ASIC2: variants seen among roughly 807,000 people sequenced by gnomAD.
The protein encoded by ASIC2 is acid-sensing ion channel 2.
ASIC2 carries 25 observed loss-of-function variants against 57.3 expected under a neutral mutation model. That is an observed-to-expected ratio of 0.44 (90% CI 0.32 to 0.61). ASIC2 has a LOEUF of 0.61. ASIC2 is among the 20% of genes least tolerant of loss of function. The pLI, the probability that ASIC2 is intolerant of heterozygous loss-of-function variation, is 0.06. For missense variants in ASIC2, 641 were observed against 738.1 expected (o/e 0.87, Z 1.52); for synonymous variants, 319 against 307.5 (o/e 1.04, Z -0.39).
Position 33,047,127 on chromosome 17 carries a change from G to T in ASIC2, c.988-18735C>A, listed in dbSNP as rs1034316991. Among the ~76,000 whole-genome samples the T allele has an allele frequency of 5.9e-5, 9 of 152,236 alleles. No individual in the cohort carries two copies. The South Asian group carries it at 1.2e-3, about 21-fold the overall frequency. On this transcript the variant is annotated intron_variant, in intron 3 of 9. Coordinates refer to ENST00000225823, the MANE Select transcript of ASIC2 (RefSeq NM_183377.2). Reference sequence around the variant, plus strand: ...CCTCTTCCTGGATCTTTTCAGTGGGGGAATAGTGGATGCTTACAGGCATAA... The same window carrying T: ...CCTCTTCCTGGATCTTTTCAGTGGGTGAATAGTGGATGCTTACAGGCATAA...
chr17:33,268,312 T>TATCC (rs1909550227), intron 1 of ASIC2, among the ~76,000 whole-genome samples: 2 of 151,900 alleles, frequency 1.3e-5, no homozygotes, highest in South Asian at 4.2e-4. Context: ...ACCCATCATT[T>TATCC]ATCCACCCAT....
intron 1 of ASIC2, among the ~76,000 whole-genome samples, chr17:33,162,431 A>G (rs1905189074): frequency 6.6e-6 from 1 of 152,150 alleles, no homozygotes; most frequent in Non-Finnish European, 1.5e-5. Flanking sequence ...AGACAGGGCA[A>G]AATTCCTAAA....
chr17:33,984,488 A>G (rs1905744471), intron 1 of ASIC2: 1 of 152,234 alleles, frequency 6.6e-6, no homozygotes, highest in Non-Finnish European at 1.5e-5. Flanking sequence ...AGTTTCTATT[A>G]TTAGAGCCTC....
rs547815951 is a variant in ASIC2 at position 33,506,856 on chromosome 17, C to G, written c.556-394789G>C. ...CGGCAGATGCTCAATAAATAGCATGCACTTGGTTATCGTGGTTGGTCCACT... is the reference window on the plus strand; with the variant it reads ...CGGCAGATGCTCAATAAATAGCATGGACTTGGTTATCGTGGTTGGTCCACT... On this transcript the variant is annotated intron_variant, in intron 1 of 9. Transcript: ENST00000359872. Among the ~76,000 whole-genome samples, 3 of 152,184 alleles carry G rather than the reference C, an allele frequency of 2.0e-5. No individual in the cohort carries two copies. The East Asian group carries it at 5.8e-4, about 29-fold the overall frequency.
At chr17:33,015,022 G>T (rs116406985) in intron 9 of ASIC2, among the ~76,000 whole-genome samples, 1 of 152,172 alleles carries the variant, frequency 6.6e-6, no homozygotes, top group Non-Finnish European at 1.5e-5. Flanking sequence ...ATGCCAGACC[G>T]TGGGCCCCTT....
At chr17:33,898,220 C>CTATTTTTTTTTT (rs1915146635) in intron 1 of ASIC2, among the ~76,000 whole-genome samples, 1 of 66,196 alleles carries the variant, frequency 1.5e-5, no homozygotes, top group African/African-American at 6.0e-5. Context: ...CATGTATAAT[C>CTATTTTTTTTTT]TTTTTTTTTT....
intron 1 of ASIC2, among the ~76,000 whole-genome samples, chr17:33,889,882 G>A (rs1248464853): frequency 1.3e-5 from 2 of 152,196 alleles, no homozygotes; most frequent in African/African-American, 4.8e-5. Context: ...CACCTCATGA[G>A]GACTGGGCTA....
chr17:33,164,984 C>T (rs576960540), intron 1 of ASIC2, among the ~76,000 whole-genome samples: 7 of 152,168 alleles, frequency 4.6e-5, no homozygotes, highest in Non-Finnish European at 8.8e-5. Context: ...CTCTGCTTAG[C>T]GTGTACATCT....
intron 1 of ASIC2, among the ~76,000 whole-genome samples, chr17:33,425,070 A>G (rs1346174619): frequency 6.6e-6 from 1 of 152,274 alleles, no homozygotes; most frequent in African/African-American, 2.4e-5. Context: ...CTCCTAGGAG[A>G]AAATTATTAT....
intron 1 of ASIC2, among the ~76,000 whole-genome samples, chr17:33,617,519 G>GA (rs1198754534): frequency 2.3e-5 from 3 of 128,582 alleles, no homozygotes; most frequent in African/African-American, 8.3e-5. Context: ...GAGGGAGGAG[G>GA]GGAGAATAAA....
At chr17:33,513,741 C>A (rs1914489811) in intron 1 of ASIC2, among the ~76,000 whole-genome samples, 1 of 152,228 alleles carries the variant, frequency 6.6e-6, no homozygotes, top group African/African-American at 2.4e-5. Flanking sequence ...ACCAAGGGGA[C>A]TGCTTCCTGC....
At chr17:34,097,290 C>T (rs1392165756) in intron 1 of ASIC2, among the ~76,000 whole-genome samples, 1 of 151,856 alleles carries the variant, frequency 6.6e-6, no homozygotes, top group Non-Finnish European at 1.5e-5. Flanking sequence ...TAGCAATATA[C>T]ATCAGAGAGG....
rs113917759 is a variant in ASIC2 at position 33,846,964 on chromosome 17, T to C, written c.555+309014A>G. The stretch of plus-strand genomic sequence containing the variant: ...AAACCCACTGTGTCATCTCCTCTTA[T>C]CCTGTACAATTCCGTCTCAGCTCCT... On this transcript the variant is annotated intron_variant, in intron 1 of 9. Coordinates refer to the ASIC2 transcript ENST00000359872. 4.2e-3 allele frequency among the ~76,000 whole-genome samples: 636 copies of C among 151,646 alleles called. 4 individuals are homozygous for C. The highest frequency in any genetic ancestry group is 0.024 in the Middle Eastern group (7 of 292).
intron 1 of ASIC2, among the ~76,000 whole-genome samples, chr17:33,259,225 TA>T (rs1409234445): frequency 6.6e-6 from 1 of 152,176 alleles, no homozygotes; most frequent in African/African-American, 2.4e-5. Context: ...AGCACATTTC[TA>T]AATGCAACAT....
At chr17:34,138,961 C>T (rs954152889) in intron 1 of ASIC2, among the ~76,000 whole-genome samples, 8 of 152,128 alleles carry the variant, frequency 5.3e-5, no homozygotes, top group African/African-American at 1.7e-4. Context: ...TAGTTTTTCC[C>T]CAGTTGATGA....
At chr17:33,330,224 A>C (rs1907255984) in intron 1 of ASIC2, among the ~76,000 whole-genome samples, 1 of 152,146 alleles carries the variant, frequency 6.6e-6, no homozygotes, top group South Asian at 2.1e-4. Flanking sequence ...TGAGACATTT[A>C]GGCTTATTCT....
At chr17:34,124,848 C>G (rs554139203) in intron 1 of ASIC2, among the ~76,000 whole-genome samples, 1 of 151,996 alleles carries the variant, frequency 6.6e-6, no homozygotes, top group Non-Finnish European at 1.5e-5. Context: ...TAATTACCTC[C>G]CAAAGGCCAC....
intron 1 of ASIC2, among the ~76,000 whole-genome samples, chr17:34,026,727 C>T (rs760395280): frequency 1.3e-5 from 2 of 152,158 alleles, no homozygotes; most frequent in Non-Finnish European, 2.9e-5. Flanking sequence ...GGATGTCAGA[C>T]CATTTAAGCC....
At chr17:33,850,907 C>T (rs957006879) in intron 1 of ASIC2, among the ~76,000 whole-genome samples, 1 of 151,980 alleles carries the variant, frequency 6.6e-6, no homozygotes, top group African/African-American at 2.4e-5. Context: ...CTTGGCCGTC[C>T]CAGCCCATTA....
Sources: allele counts gnomAD v4.1 joint callset (sites outside exome capture counted in the v4.1 genomes callset), GRCh38; gene constraint gnomAD v4.1.1; transcripts MANE v1.5; gene names NCBI Gene and HGNC (gene_info 2026-07-23, HGNC 2026-07-21).